The following EIF2S3 variants were observed in gnomAD, a reference collection of about 807,000 sequenced individuals.
EIF2S3 encodes eukaryotic translation initiation factor 2 subunit 3.
In EIF2S3, 2 loss-of-function variants were observed where a neutral mutation model predicts 31.7. The ratio of observed to expected loss-of-function variants is 0.06; its 90% CI spans 0.03 to 0.20. The LOEUF is 0.20. EIF2S3 is among the 10% of genes least tolerant of loss of function. EIF2S3 has a pLI of 1.00. For missense variants in EIF2S3, 96 were observed against 359.3 expected (o/e 0.27, Z 5.92); for synonymous variants, 120 against 126.7 (o/e 0.95, Z 0.36).
rs1930425329 is a variant in EIF2S3, at chrX:24,057,718, A to G, written c.347A>G (p.Asp116Gly). ...GSSTPDEFPT[D>G]IPGTKGNFKL... ...AGTACACCTGACGAGTTTCCTACGG[A>G]CATTCCAGGGACCAAAGGGAACTTC... Residue 116 changes from aspartate to glycine, a missense_variant, in exon 4 of 12, where the codon GAC becomes GGC. By Grantham distance (94) the Asp-to-Gly change is moderately conservative (BLOSUM62 -1). Coordinates refer to ENST00000253039, the MANE Select transcript of EIF2S3 (RefSeq NM_001415.4). 8.3e-7 allele frequency: 1 copy of G among 1,209,966 alleles called. No individual in the cohort carries two copies. Among genetic ancestry groups the G allele is most frequent in the African/African-American group, 1.7e-5 (1 of 57,375 alleles).
chrX:24,074,713 C>T (rs767599267), intron 11 of EIF2S3, among the ~76,000 whole-genome samples: 1 of 110,222 alleles, frequency 9.1e-6, no homozygotes, highest in East Asian at 2.8e-4. Flanking sequence ...ATAATATGGA[C>T]TCATGGAGTC....
Position 24,064,192 on chromosome X carries a change from G to T in EIF2S3, c.638-9G>T. 2 of 1,121,939 alleles carry T rather than the reference G, an allele frequency of 1.8e-6. No homozygotes were observed. Among genetic ancestry groups the T allele is most frequent in the Non-Finnish European group, 2.3e-6 (2 of 854,272 alleles). The allele number at this position is 1,121,939 out of a possible 1,213,427, so 92.5% of individuals were successfully genotyped here. ...TATAATTTTGATCTTTCTAAATTTT[G>T]TCATATAGGTACAGTAGCAGAGGGA... On this transcript the variant is annotated splice_polypyrimidine_tract_variant and intron_variant, in intron 6 of 11. Coordinates refer to ENST00000253039, the MANE Select transcript of EIF2S3 (RefSeq NM_001415.4).
At chrX:24,064,880 A>G (rs1455426810) in intron 7 of EIF2S3, among the ~76,000 whole-genome samples, 1 of 112,274 alleles carries the variant, frequency 8.9e-6, no homozygotes, top group African/African-American at 3.2e-5. Flanking sequence ...TATATGGTAC[A>G]TGATCAAGAT....
intron 11 of EIF2S3, among the ~76,000 whole-genome samples, chrX:24,074,859 C>CTTTTTTTTTTTT (rs1316212428): frequency 3.8e-5 from 1 of 26,178 alleles, no homozygotes; most frequent in Non-Finnish European, 7.9e-5. Context: ...TTTTTTTCTT[C>CTTTTTTTTTTTT]TTCTTTTTTT....
chrX:24,058,047 T>C (rs766277372), intron 4 of EIF2S3, among the ~76,000 whole-genome samples: 56 of 112,666 alleles, frequency 5.0e-4, no homozygotes, highest in Non-Finnish European at 9.4e-4. Context: ...TAAACAGCGC[T>C]GTTTCTGTAT....
At chrX:24,057,998 A>G (rs2053881197) in intron 4 of EIF2S3, among the ~76,000 whole-genome samples, 1 of 112,509 alleles carries the variant, frequency 8.9e-6, no homozygotes, top group East Asian at 2.7e-4. Context: ...AACTCATTGG[A>G]TTGAAGGGAT....
chrX:24,062,087 T>C (rs1930501365), intron 5 of EIF2S3, among the ~76,000 whole-genome samples: 1 of 111,282 alleles, frequency 9.0e-6, no homozygotes, highest in African/African-American at 3.3e-5. Context: ...CCAACTTTTT[T>C]TGGGGCGGGG....
intron 2 of EIF2S3, 80 bp downstream of exon 2, chrX:24,055,758 T>C (rs1930394216): frequency 6.4e-6 from 6 of 941,616 alleles, no homozygotes; most frequent in Non-Finnish European, 9.1e-6. Context: ...ACTTGAATAG[T>C]ATGAGGATTC....
chrX:24,067,950 TTA>T lies in EIF2S3; in HGVS notation c.868-10_868-9del. Reference sequence around the variant, plus strand: ...GTAACACAGTAATTCTAATTACTAATTATATGTTTACAGGTGGGCCAGGAGAT... The same window carrying T: ...GTAACACAGTAATTCTAATTACTAATTATGTTTACAGGTGGGCCAGGAGAT... On this transcript the variant is annotated splice_polypyrimidine_tract_variant and intron_variant, in intron 8 of 11. Coordinates refer to ENST00000253039, the MANE Select transcript of EIF2S3 (RefSeq NM_001415.4). 1 of 1,172,862 alleles carries T rather than the reference TTA, an allele frequency of 8.5e-7. No individual in the cohort carries two copies. The highest frequency in any genetic ancestry group is 2.0e-5 in the South Asian group (1 of 51,252).
rs1352506294 is a variant in EIF2S3 at position 24,077,819 on chromosome X, T to C, written c.*1034T>C. ...CTTCCTCCATGGGAAAATACTGTTA[T>C]ACCAAATAATTCTAGATGAGTAACA... On this transcript the variant is annotated 3_prime_UTR_variant, in exon 12 of 12. Transcript: ENST00000253039. 2 of 111,917 alleles carry C rather than the reference T, an allele frequency of 1.8e-5. No individual in the cohort carries two copies. The highest frequency in any genetic ancestry group is 9.6e-5 in the Admixed American group (1 of 10,433). The allele number at this position is 111,917 out of a possible 1,213,427, so 9.2% of individuals were successfully genotyped here. A position where few individuals can be genotyped will look rare whatever the true frequency, so the allele number is the denominator to read the frequency against.
At chrX:24,068,619 G>A (rs995305802) in intron 9 of EIF2S3, among the ~76,000 whole-genome samples, 1 of 110,739 alleles carries the variant, frequency 9.0e-6, no homozygotes, top group African/African-American at 3.3e-5. Flanking sequence ...TAAGATTTTT[G>A]TATTTTAGTA....
In EIF2S3 at chrX:24,071,959, TCCA is replaced by T. The variant is rs1310471553; in HGVS notation, c.1182+235_1182+237del. ...GGCGCGATCTCGGCTCACGGCAACC[TCCA>T]CCTCCTGGGTTCAAGCAATTCTCTT... On this transcript the variant is annotated intron_variant, in intron 10 of 11. Transcript: ENST00000253039. 7.4e-4 allele frequency among the ~76,000 whole-genome samples: 80 copies of T among 107,717 alleles called. 1 individual carries two copies. The highest frequency in any genetic ancestry group is 2.5e-3 in the African/African-American group (75 of 29,457). The allele number at this position is 107,717 out of a possible 115,157, so 93.5% of individuals were successfully genotyped here.
chrX:24,067,908 G>A, intron 8 of EIF2S3, 56 bp from the exon 9 acceptor site: 1 of 1,120,007 alleles, frequency 8.9e-7, no homozygotes, highest in South Asian at 2.3e-5. Context: ...CTTTTGATAG[G>A]TAAATGATAA....
intron 10 of EIF2S3, among the ~76,000 whole-genome samples, chrX:24,072,537 C>T (rs1231838658): frequency 3.6e-5 from 4 of 111,634 alleles, no homozygotes; most frequent in African/African-American, 1.3e-4. Flanking sequence ...CCCACCCCAG[C>T]CTCCGAAAAT....
chrX:24,074,110 A>G lies in EIF2S3; in HGVS notation c.1355+847A>G, dbSNP rs765562085. 2.7e-5 allele frequency among the ~76,000 whole-genome samples: 3 copies of G among 112,376 alleles called. No homozygotes were observed. The East Asian group carries it at 8.4e-4, about 31-fold the overall frequency. ...TTTCAGTTTTATTACTTGTCCCAAT[A>G]ATGTACTTTATGTTCCTCCTGTTTA... On this transcript the variant is annotated intron_variant, in intron 11 of 11. Coordinates refer to ENST00000253039, the MANE Select transcript of EIF2S3 (RefSeq NM_001415.4).
At chrX:24,055,334 G>C (rs1022252224) in intron 1 of EIF2S3, among the ~76,000 whole-genome samples, 1 of 111,681 alleles carries the variant, frequency 9.0e-6, no homozygotes, top group Non-Finnish European at 1.9e-5. Context: ...GGGGTGTCCT[G>C]TCTGCATTAC....
chrX:24,055,868 A>G (rs921033385), intron 2 of EIF2S3, among the ~76,000 whole-genome samples, 190 bp downstream of exon 2: 6 of 112,023 alleles, frequency 5.4e-5, no homozygotes, highest in Non-Finnish European at 1.1e-4. Context: ...TGTAGCTTAC[A>G]GACTCGGTAA....
At chrX:24,060,510 TTG>T (rs1157691431) in intron 5 of EIF2S3, 10 of 274,930 alleles carry the variant, frequency 3.6e-5, no homozygotes, top group Non-Finnish European at 4.5e-5. Context: ...GTGTTATGGT[TTG>T]TGTGTGTGTA....
chrX:24,069,256 C>G (rs772243902), intron 9 of EIF2S3, among the ~76,000 whole-genome samples: 118 of 108,346 alleles, frequency 1.1e-3, no homozygotes, highest in African/African-American at 3.8e-3. Flanking sequence ...GTGGCCCACG[C>G]CTGTAATCCC....
Sources: allele counts gnomAD v4.1 joint callset (sites outside exome capture counted in the v4.1 genomes callset), GRCh38; gene constraint gnomAD v4.1.1; transcripts MANE v1.5; gene names NCBI Gene and HGNC (gene_info 2026-07-23, HGNC 2026-07-21).